Variants in TIAM1 observed in about 807,000 individuals in gnomAD.
TIAM1 encodes TIAM Rac1 associated GEF 1, also known as rho guanine nucleotide exchange factor TIAM1.
In TIAM1, 65 loss-of-function variants were observed where a neutral mutation model predicts 163.5. The ratio of observed to expected loss-of-function variants is 0.40; its 90% CI spans 0.33 to 0.49. The LOEUF (loss-of-function observed/expected upper bound fraction) is 0.49. Ranked by LOEUF, TIAM1 falls within the 20% of genes least tolerant of loss-of-function variation. The probability of loss-of-function intolerance (pLI) is 0.77; values close to 1 mark genes in which losing one functional copy is unlikely to be tolerated. For synonymous variants in TIAM1, 833 were observed against 810.1 expected (o/e 1.03, Z -0.48); for missense variants, 1,789 against 2,044.7 (o/e 0.87, Z 2.41).
At chr21:31,213,104 A>C (rs2086973696) in intron 10 of TIAM1, 2 of 322,566 alleles carry the variant, frequency 6.2e-6, no homozygotes, top group African/African-American at 4.4e-5. Flanking sequence ...AATGGCATAA[A>C]ATATTCAGCT....
chr21:31,430,210 GAAAAA>G (rs57117941), intron 2 of TIAM1, among the ~76,000 whole-genome samples: 1,520 of 89,422 alleles, frequency 0.017, 15 homozygotes, highest in Middle Eastern at 0.038. Flanking sequence ...CCATCTCAAA[GAAAAA>G]AAAAAAAAAA....
Position 31,152,616 on chromosome 21 carries a change from G to A in TIAM1, c.3366+20C>T, listed in dbSNP as rs778666825. On this transcript the variant is annotated intron_variant, in intron 19 of 27. Coordinates refer to ENST00000541036, the MANE Select transcript of TIAM1 (RefSeq NM_001353694.2). ...GCCACACTATAGCCCTGACGCTGGA[G>A]GCAGCTTTGCACTATTTACCTTAAA... 2.5e-6 allele frequency: 4 copies of A among 1,613,438 alleles called. No homozygotes were observed. Among genetic ancestry groups the A allele is most frequent in the Non-Finnish European group, 3.4e-6 (4 of 1,179,800 alleles).
chr21:31,247,046 A>C (rs1384358277), intron 5 of TIAM1, among the ~76,000 whole-genome samples: 1 of 152,198 alleles, frequency 6.6e-6, no homozygotes, highest in Non-Finnish European at 1.5e-5. Flanking sequence ...TTTGCCAGGC[A>C]CAGTGGCTTA....
At chr21:31,279,160 A>T (rs1354371975) in intron 2 of TIAM1, among the ~76,000 whole-genome samples, 1 of 152,184 alleles carries the variant, frequency 6.6e-6, no homozygotes, top group African/African-American at 2.4e-5. Context: ...AAAACTATAC[A>T]GAGAGAAAGG....
intron 22 of TIAM1, among the ~76,000 whole-genome samples, chr21:31,139,748 T>C (rs2082761857): frequency 1.3e-5 from 2 of 152,254 alleles, no homozygotes; most frequent in African/African-American, 2.4e-5. Flanking sequence ...CTGCTTGTAA[T>C]GTTATGTAAA....
intron 1 of TIAM1, among the ~76,000 whole-genome samples, chr21:31,549,262 C>A (rs967180090): frequency 6.6e-6 from 1 of 152,120 alleles, no homozygotes; most frequent in Non-Finnish European, 1.5e-5. Context: ...TGTAAATTAG[C>A]ATACCACCTA....
At chr21:31,497,146 T>A (rs1294984080) in intron 1 of TIAM1, among the ~76,000 whole-genome samples, 1 of 152,174 alleles carries the variant, frequency 6.6e-6, no homozygotes, top group African/African-American at 2.4e-5. Context: ...TAGGCTATCA[T>A]CCAGCGTAGG....
chr21:31,398,741 G>A (rs1243513568), intron 2 of TIAM1, among the ~76,000 whole-genome samples: 3 of 152,244 alleles, frequency 2.0e-5, no homozygotes, highest in African/African-American at 7.2e-5. Flanking sequence ...TTCCGTCTGT[G>A]CCTGGGCAGA....
intron 12 of TIAM1, among the ~76,000 whole-genome samples, chr21:31,198,781 G>A (rs1024775361): frequency 6.6e-6 from 1 of 151,996 alleles, no homozygotes. Context: ...CTACTTCCTA[G>A]TTTTCTTTGA....
chr21:31,286,142 T>C (rs1267235084), intron 2 of TIAM1, among the ~76,000 whole-genome samples: 1 of 152,196 alleles, frequency 6.6e-6, no homozygotes, highest in African/African-American at 2.4e-5. Flanking sequence ...GGGGATATTA[T>C]GAATATCATC....
At chr21:31,201,137 G>A (rs564857522) in intron 12 of TIAM1, among the ~76,000 whole-genome samples, 2 of 152,200 alleles carry the variant, frequency 1.3e-5, no homozygotes, top group East Asian at 3.9e-4. Flanking sequence ...CTATAATTCA[G>A]GATGCAAAAT....
chr21:31,210,878 A>G (rs1373647554), intron 10 of TIAM1, among the ~76,000 whole-genome samples: 2 of 152,164 alleles, frequency 1.3e-5, no homozygotes, highest in Non-Finnish European at 2.9e-5. Context: ...AGTTTCAAGC[A>G]GGGAATTCCT....
intron 2 of TIAM1, among the ~76,000 whole-genome samples, chr21:31,445,033 G>GAAGAT (rs1569337584): frequency 1.3e-5 from 2 of 151,156 alleles, no homozygotes; most frequent in Admixed American, 6.6e-5. Flanking sequence ...GAAGAGAAGA[G>GAAGAT]AAAAGAAAGA....
chr21:31,498,190 G>A (rs1421533531), intron 1 of TIAM1, among the ~76,000 whole-genome samples: 3 of 152,092 alleles, frequency 2.0e-5, no homozygotes, highest in Non-Finnish European at 4.4e-5. Flanking sequence ...GTCACTGAAG[G>A]AAAGAGATTC....
At chr21:31,512,301 T>G (rs565524222) in intron 1 of TIAM1, among the ~76,000 whole-genome samples, 1 of 152,046 alleles carries the variant, frequency 6.6e-6, no homozygotes, top group Non-Finnish European at 1.5e-5. Context: ...GCCTCCCCTG[T>G]GTTGCCCAGG....
chr21:31,302,475 C>T (rs1601886965), intron 2 of TIAM1, among the ~76,000 whole-genome samples: 1 of 152,204 alleles, frequency 6.6e-6, no homozygotes, highest in Non-Finnish European at 1.5e-5. Context: ...TTCTCTTCCA[C>T]GTAAAAGGCT....
Position 31,258,603 on chromosome 21 carries a change from G to A in TIAM1, c.964-6414C>T, listed in dbSNP as rs531340862. On this transcript the variant is annotated intron_variant, in intron 4 of 27. Transcript: ENST00000541036. Reference sequence around the variant, plus strand: ...TCCCAGCACTTTGGGAGGCCAAGGCGGGTGGATCACGAAGTCAAGAGATCT... The same window carrying A: ...TCCCAGCACTTTGGGAGGCCAAGGCAGGTGGATCACGAAGTCAAGAGATCT... 7.9e-5 allele frequency among the ~76,000 whole-genome samples: 12 copies of A among 152,168 alleles called. No homozygotes were observed. The South Asian group carries it at 2.1e-3, about 26-fold the overall frequency.
chr21:31,226,907 A>G (rs1401332534), intron 6 of TIAM1, among the ~76,000 whole-genome samples: 3 of 147,048 alleles, frequency 2.0e-5, no homozygotes, highest in African/African-American at 7.5e-5. Flanking sequence ...GCGCCTTCTT[A>G]GTTTTCTAAC....
At chr21:31,231,225 A>G (rs928241191) in intron 6 of TIAM1, among the ~76,000 whole-genome samples, 2 of 152,176 alleles carry the variant, frequency 1.3e-5, no homozygotes, top group Admixed American at 6.5e-5. Context: ...TCATGCCAGG[A>G]AGGAGAAAGC....
Sources: allele counts gnomAD v4.1 joint callset (sites outside exome capture counted in the v4.1 genomes callset), GRCh38; gene constraint gnomAD v4.1.1; transcripts MANE v1.5; gene names NCBI Gene and HGNC (gene_info 2026-07-23, HGNC 2026-07-21).